Variants in PRIM2 observed in about 807,000 individuals in gnomAD.
PRIM2 encodes DNA primase subunit 2.
Under a neutral mutation model 67.3 loss-of-function variants are expected in PRIM2, and 39 were observed. The ratio of observed to expected loss-of-function variants is 0.58; its 90% confidence interval spans 0.45 to 0.76. PRIM2 has a LOEUF of 0.76. Ranked by LOEUF, PRIM2 falls within the 30% of genes least tolerant of loss-of-function variation. The pLI is 0.00. For synonymous variants in PRIM2, 143 were observed against 198.7 expected, an observed-to-expected ratio of 0.72 and a Z score of 2.36; for missense variants, 398 against 598.7, an observed-to-expected ratio of 0.66 and a Z score of 3.50.
chr6:57,413,479 A>G, intron 7 of PRIM2, among the ~76,000 whole-genome samples: 1 of 151,902 alleles, frequency 6.6e-6, no homozygotes, highest in African/African-American at 2.4e-5. Context: ...CAATACAAAA[A>G]CTGCAATTAT....
intron 12 of PRIM2, among the ~76,000 whole-genome samples, chr6:57,615,191 A>G (rs1776732715): frequency 6.6e-6 from 1 of 151,944 alleles, no homozygotes; most frequent in Non-Finnish European, 1.5e-5. Context: ...GCCAAGACCT[A>G]TGGGTTGCTT....
chr6:57,306,777 T>C, the PRIM2 span, among the ~76,000 whole-genome samples: 1 of 152,210 alleles, frequency 6.6e-6, no homozygotes, highest in African/African-American at 2.4e-5. Flanking sequence ...TTAACCACTA[T>C]CTTGAATTTG....
chr6:57,225,838 G>A, the PRIM2 span, among the ~76,000 whole-genome samples: 1 of 152,104 alleles, frequency 6.6e-6, no homozygotes, highest in Non-Finnish European at 1.5e-5. Flanking sequence ...GTGGCCATCT[G>A]GAAAAAACTA....
the PRIM2 span, among the ~76,000 whole-genome samples, chr6:57,235,038 C>T: frequency 6.6e-6 from 1 of 151,906 alleles, no homozygotes; most frequent in East Asian, 1.9e-4. Flanking sequence ...ATGACACATG[C>T]TACTTGGGAG....
chr6:57,492,067 T>C (rs1554346007), intron 7 of PRIM2, among the ~76,000 whole-genome samples: 27 of 152,332 alleles, frequency 1.8e-4, no homozygotes, highest in Non-Finnish European at 3.2e-4. Context: ...ACAAAACATC[T>C]GGTGTAAACA....
intron 8 of PRIM2, among the ~76,000 whole-genome samples, chr6:57,508,932 T>G (rs1554347465): frequency 6.8e-6 from 1 of 147,060 alleles, no homozygotes; most frequent in Admixed American, 6.9e-5. Context: ...ATACCTACAT[T>G]TTCAGGTTTT....
intron 10 of PRIM2, among the ~76,000 whole-genome samples, chr6:57,591,019 C>T (rs1776273458): frequency 6.6e-6 from 1 of 152,156 alleles, no homozygotes; most frequent in South Asian, 2.1e-4. Flanking sequence ...GCCTCCTGGA[C>T]TCCTTGGGGC....
At chr6:57,469,218 A>G (rs1258631381) in intron 7 of PRIM2, among the ~76,000 whole-genome samples, 3 of 152,100 alleles carry the variant, frequency 2.0e-5, no homozygotes, top group Non-Finnish European at 4.4e-5. Flanking sequence ...TCCCTCTGGA[A>G]CTCTCTTTAT....
chr6:57,481,725 G>A (rs1339730091), intron 7 of PRIM2, among the ~76,000 whole-genome samples: 174 of 152,230 alleles, frequency 1.1e-3, no homozygotes, highest in Admixed American at 2.0e-3. Flanking sequence ...CAGCAATGTA[G>A]GAGTGACTCT....
At chr6:57,445,322 A>G (rs144336537) in intron 7 of PRIM2, among the ~76,000 whole-genome samples, 2 of 152,290 alleles carry the variant, frequency 1.3e-5, no homozygotes, top group Non-Finnish European at 2.9e-5. Flanking sequence ...GTGTGTGTAT[A>G]TGAGTACGTA....
chr6:57,398,910 G>A (rs1770613566), intron 7 of PRIM2, among the ~76,000 whole-genome samples: 2 of 151,684 alleles, frequency 1.3e-5, no homozygotes, highest in Non-Finnish European at 2.9e-5. Flanking sequence ...GCCCTTTTTT[G>A]TCTTTTTTTT....
chr6:57,366,024 A>G (rs1467462282), intron 5 of PRIM2, among the ~76,000 whole-genome samples: 4 of 151,132 alleles, frequency 2.6e-5, no homozygotes, highest in East Asian at 1.9e-4. Context: ...TTAGGTTCAT[A>G]TGTTAGTGAG....
chr6:57,388,550 T>C (rs1770225552), intron 7 of PRIM2, among the ~76,000 whole-genome samples: 2 of 152,212 alleles, frequency 1.3e-5, no homozygotes. Flanking sequence ...CATTTAGTCT[T>C]TATGGTAACC....
intron 10 of PRIM2, among the ~76,000 whole-genome samples, chr6:57,543,769 G>C (rs1278927400): frequency 2.7e-5 from 4 of 150,896 alleles, no homozygotes; most frequent in African/African-American, 7.3e-5. Flanking sequence ...TTAACACTTT[G>C]CTTTTAAAAC....
At chr6:57,582,206 C>T (rs1438482295) in intron 10 of PRIM2, among the ~76,000 whole-genome samples, 1 of 151,982 alleles carries the variant, frequency 6.6e-6, no homozygotes, top group Non-Finnish European at 1.5e-5. Flanking sequence ...CAAATAATGG[C>T]TGCACTAGGT....
chr6:57,594,111 G>A (rs1223426038), intron 10 of PRIM2, among the ~76,000 whole-genome samples: 1 of 152,162 alleles, frequency 6.6e-6, no homozygotes, highest in African/African-American at 2.4e-5. Context: ...AAAATGTTTG[G>A]TGGAAATTTT....
At chr6:57,595,597 C>T (rs1189461812) in intron 10 of PRIM2, among the ~76,000 whole-genome samples, 1 of 152,174 alleles carries the variant, frequency 6.6e-6, no homozygotes, top group Non-Finnish European at 1.5e-5. Context: ...GTTACCACAA[C>T]CCCCTTCTCA....
intron 7 of PRIM2, among the ~76,000 whole-genome samples, chr6:57,394,307 T>C (rs1770450121): frequency 1.3e-5 from 2 of 152,236 alleles, no homozygotes; most frequent in African/African-American, 4.8e-5. Context: ...GGGATGTGTT[T>C]CCATTTGTTT....
At chr6:57,562,765 G>T (rs1389487682) in intron 10 of PRIM2, among the ~76,000 whole-genome samples, 2 of 152,124 alleles carry the variant, frequency 1.3e-5, no homozygotes, top group Non-Finnish European at 2.9e-5. Context: ...TAAAAACCTT[G>T]ATGTATATAG....
Sources: allele counts gnomAD v4.1 joint callset (sites outside exome capture counted in the v4.1 genomes callset), GRCh38; gene constraint gnomAD v4.1.1; transcripts MANE v1.5; gene names NCBI Gene and HGNC (gene_info 2026-07-23, HGNC 2026-07-21).